Variants in ECHDC1 observed in about 807,000 individuals in gnomAD.
The protein encoded by ECHDC1 is ethylmalonyl-CoA decarboxylase 1, also known as ethylmalonyl-CoA decarboxylase.
In ECHDC1, 29 loss-of-function variants were observed where a neutral mutation model predicts 29.7. That is an observed-to-expected ratio of 0.98 (90% CI 0.73 to 1.33). ECHDC1 has a LOEUF of 1.33. Among genes scored for constraint, ECHDC1 ranks in the 40% most tolerant of loss-of-function variants. The pLI is 0.00. For missense variants in ECHDC1, 328 were observed against 350.0 expected, an observed-to-expected ratio of 0.94 and a Z score of 0.50; for synonymous variants, 126 against 123.1, an observed-to-expected ratio of 1.02 and a Z score of -0.15.
intron 1 of ECHDC1, chr6:127,342,460 C>A: frequency 7.2e-7 from 1 of 1,384,184 alleles, no homozygotes; most frequent in South Asian, 1.5e-5. Flanking sequence ...GGCCAGAACC[C>A]AATAAAAAAT....
chr6:127,339,774 C>CA (rs10588955), intron 1 of ECHDC1, among the ~76,000 whole-genome samples: 93 of 130,312 alleles, frequency 7.1e-4, no homozygotes, highest in Middle Eastern at 4.1e-3. Flanking sequence ...GACTCTGTCT[C>CA]AAAAAAAAAA....
At chr6:127,319,914 G>T (rs1162754715) in intron 3 of ECHDC1, among the ~76,000 whole-genome samples, 2 of 152,166 alleles carry the variant, frequency 1.3e-5, no homozygotes, top group Non-Finnish European at 2.9e-5. Context: ...AAAATGCCCA[G>T]CCTGTAGAAG....
intron 3 of ECHDC1, among the ~76,000 whole-genome samples, chr6:127,320,396 C>CATAGAA (rs1782741672): frequency 6.6e-6 from 1 of 152,016 alleles, no homozygotes; most frequent in Admixed American, 6.6e-5. Context: ...TTGAGGTCAC[C>CATAGAA]ATAGAAACAT....
At chr6:127,325,626 G>C (rs1327267461) in intron 3 of ECHDC1, among the ~76,000 whole-genome samples, 1 of 151,848 alleles carries the variant, frequency 6.6e-6, no homozygotes, top group Non-Finnish European at 1.5e-5. Context: ...TGTGTAACAA[G>C]AACACTCAAG....
intron 5 of ECHDC1, among the ~76,000 whole-genome samples, chr6:127,311,669 C>CAAAAAAAAAAAAA (rs71272311): frequency 1.1e-3 from 28 of 25,038 alleles, no homozygotes; most frequent in Admixed American, 2.0e-3. Context: ...GGCTCTGTCT[C>CAAAAAAAAAAAAA]AAAAAAAAAA....
intron 5 of ECHDC1, among the ~76,000 whole-genome samples, chr6:127,300,387 G>C (rs1036958078): frequency 6.6e-6 from 1 of 152,172 alleles, no homozygotes; most frequent in African/African-American, 2.4e-5. Context: ...CATGGCAAAA[G>C]AGACTGCAGA....
In ECHDC1 at chr6:127,340,741, A is replaced by C. The variant is rs1004453297; in HGVS notation, c.-3+2595T>G. Among the ~76,000 whole-genome samples the C allele has an allele frequency of 2.1e-3, 171 of 81,818 alleles. 1 individual carries two copies. The highest frequency in any genetic ancestry group is 3.5e-3 in the Non-Finnish European group (127 of 36,136). 53.7% of individuals were successfully genotyped at this position (81,818 alleles called of 152,430 possible). A position where few individuals can be genotyped will look rare whatever the true frequency, so the allele number is the denominator to read the frequency against. On this transcript the variant is annotated intron_variant, in intron 1 of 5. Transcript: ENST00000454859. ...TAAGGACTTAGATAGTTGCTTTAAAAGTTTTTTTTTTTTTTGCCTGTCTGC... is the reference window on the plus strand; with the variant it reads ...TAAGGACTTAGATAGTTGCTTTAAACGTTTTTTTTTTTTTTGCCTGTCTGC...
intron 5 of ECHDC1, among the ~76,000 whole-genome samples, chr6:127,291,851 C>A (rs533100743): frequency 8.6e-5 from 13 of 151,982 alleles, no homozygotes; most frequent in Non-Finnish European, 1.5e-4. Context: ...GGAAAATATG[C>A]CTCCATTATG....
intron 2 of ECHDC1, among the ~76,000 whole-genome samples, chr6:127,329,232 G>T (rs1783678698): frequency 6.6e-6 from 1 of 151,942 alleles, no homozygotes; most frequent in African/African-American, 2.4e-5. Flanking sequence ...TCAAAAGATG[G>T]AAGAGACCTT....
intron 5 of ECHDC1, among the ~76,000 whole-genome samples, chr6:127,302,089 C>G (rs938085123): frequency 4.6e-5 from 7 of 152,124 alleles, no homozygotes; most frequent in African/African-American, 1.7e-4. Context: ...TAATGAAGCT[C>G]TAGGATGCAT....
chr6:127,342,572 G>A (rs1283964371), intron 1 of ECHDC1: 7 of 522,760 alleles, frequency 1.3e-5, no homozygotes, highest in Non-Finnish European at 2.3e-5. Flanking sequence ...GAGAATGCTA[G>A]CTCTTCTAAA....
At chr6:127,308,306 A>G (rs1046616061) in intron 5 of ECHDC1, among the ~76,000 whole-genome samples, 2 of 152,254 alleles carry the variant, frequency 1.3e-5, no homozygotes, top group Non-Finnish European at 2.9e-5. Flanking sequence ...AACATGACCA[A>G]GTGAAATTTA....
intron 5 of ECHDC1, among the ~76,000 whole-genome samples, chr6:127,303,993 G>C (rs969359931): frequency 6.6e-6 from 1 of 152,180 alleles, no homozygotes; most frequent in Non-Finnish European, 1.5e-5. Context: ...GAAGAACACA[G>C]GCCTGGATGG....
At position 127,316,488 on chromosome 6, in the gene ECHDC1, T is replaced by C. The variant is rs1174910857; in HGVS notation, c.378A>G (p.Val126=). 1 of 1,604,438 alleles carries C rather than the reference T, an allele frequency of 6.2e-7. No homozygotes were observed. The highest frequency in any genetic ancestry group is 1.7e-5 in the Admixed American group (1 of 58,600). ...SLGTPEDGMA[V]CMFMQNTLTR... ...TTAAGGTGTTTTGCATGAACATGCA[T>C]ACGGCCATTCCATCCTTTAAATAAA... The change falls in exon 4 of 6, where the codon GTA becomes GTG. Residue 126 remains valine, a synonymous_variant. Transcript: ENST00000454859.
intron 1 of ECHDC1, among the ~76,000 whole-genome samples, chr6:127,342,043 A>C (rs542298589): frequency 2.0e-5 from 3 of 152,334 alleles, no homozygotes; most frequent in Non-Finnish European, 4.4e-5. Context: ...TTTTTTCGCC[A>C]TCTCAAGCTT....
chr6:127,299,748 T>C (rs1780909933), intron 5 of ECHDC1, among the ~76,000 whole-genome samples: 1 of 152,172 alleles, frequency 6.6e-6, no homozygotes, highest in Non-Finnish European at 1.5e-5. Flanking sequence ...AGTAATGTCC[T>C]AGGCCTTCAC....
chr6:127,327,336 T>C (rs921436270), intron 2 of ECHDC1, among the ~76,000 whole-genome samples, 192 bp from the exon 3 acceptor site: 18 of 152,168 alleles, frequency 1.2e-4, no homozygotes, highest in African/African-American at 4.3e-4. Context: ...AGGCCCTGCA[T>C]TGTAAATGTA....
intron 5 of ECHDC1, among the ~76,000 whole-genome samples, chr6:127,302,158 A>G (rs1319639333): frequency 1.3e-5 from 2 of 152,230 alleles, no homozygotes; most frequent in Non-Finnish European, 2.9e-5. Flanking sequence ...AAAGGATTAA[A>G]TAATCTCTGA....
rs1463323030 is a variant in ECHDC1, at chr6:127,314,915, A to G, written c.417-19T>C. ...AGGAAGTCTGTATATTGAAGAAAAA[A>G]CTGATGTTACTATTTTTAATTTCAA... is the stretch of plus-strand genomic sequence containing the variant. On this transcript the variant is annotated intron_variant, in intron 4 of 5. Coordinates refer to ENST00000454859, the MANE Select transcript of ECHDC1 (RefSeq NM_001002030.2). 2 of 1,592,682 alleles carry G rather than the reference A, an allele frequency of 1.3e-6. No homozygotes were observed. The highest frequency in any genetic ancestry group is 1.7e-5 in the Admixed American group (1 of 59,264).
Sources: allele counts gnomAD v4.1 joint callset (sites outside exome capture counted in the v4.1 genomes callset), GRCh38; gene constraint gnomAD v4.1.1; transcripts MANE v1.5; gene names NCBI Gene and HGNC (gene_info 2026-07-23, HGNC 2026-07-21).